Variants in GABRB3 observed in about 807,000 individuals in gnomAD.
GABRB3 encodes the protein gamma-aminobutyric acid receptor subunit beta-3.
GABRB3 carries 14 observed loss-of-function variants against 52.1 expected under a neutral mutation model. The observed-to-expected ratio is 0.27, with a 90% CI of 0.18 to 0.42. The LOEUF is 0.42. Among genes scored for constraint, GABRB3 ranks in the 10% least tolerant of loss-of-function variants. GABRB3 has a pLI of 1.00. For missense variants in GABRB3, 307 were observed against 609.1 expected, an observed-to-expected ratio of 0.50 and a Z score of 5.22; for synonymous variants, 260 against 232.3, an observed-to-expected ratio of 1.12 and a Z score of -1.08.
chr15:26,627,280 A>C (rs1045097572), intron 3 of GABRB3, among the ~76,000 whole-genome samples: 2 of 151,350 alleles, frequency 1.3e-5, no homozygotes, highest in Non-Finnish European at 2.9e-5. Flanking sequence ...GCTCTAATGG[A>C]TATGTACAAA....
intron 3 of GABRB3, among the ~76,000 whole-genome samples, chr15:26,625,737 A>C (rs1250108959): frequency 6.6e-6 from 1 of 152,182 alleles, no homozygotes; most frequent in East Asian, 1.9e-4. Context: ...AAGAACAGCC[A>C]AGCTGGCCAC....
chr15:26,653,354 C>T (rs1318819801), intron 3 of GABRB3, among the ~76,000 whole-genome samples: 1 of 152,160 alleles, frequency 6.6e-6, no homozygotes, highest in Non-Finnish European at 1.5e-5. Flanking sequence ...TCAAACCCTG[C>T]ATTCTAATGC....
At chr15:26,726,527 T>C (rs1889775604) in intron 3 of GABRB3, among the ~76,000 whole-genome samples, 1 of 152,204 alleles carries the variant, frequency 6.6e-6, no homozygotes, top group South Asian at 2.1e-4. Flanking sequence ...CAATCTGTCT[T>C]TGTCTTTCAT....
chr15:26,577,048 C>T (rs1890618203), intron 6 of GABRB3, among the ~76,000 whole-genome samples: 2 of 152,074 alleles, frequency 1.3e-5, no homozygotes, highest in Non-Finnish European at 2.9e-5. Flanking sequence ...ATGCAACATA[C>T]AGAAAGAAAT....
At chr15:26,619,283 G>T (rs559224234) in intron 4 of GABRB3, among the ~76,000 whole-genome samples, 2 of 151,894 alleles carry the variant, frequency 1.3e-5, no homozygotes, top group Non-Finnish European at 2.9e-5. Context: ...GTCCAACCAT[G>T]ATAGACTGGA....
At chr15:26,739,556 G>A (rs1216000027) in intron 3 of GABRB3, among the ~76,000 whole-genome samples, 1 of 152,030 alleles carries the variant, frequency 6.6e-6, no homozygotes, top group Non-Finnish European at 1.5e-5. Context: ...AATGCAAGGA[G>A]GGGCCGGTTT....
In GABRB3 at chr15:26,546,692, A is replaced by G. The variant is rs1889255690; in HGVS notation, c.*1101T>C. 1 of 152,566 alleles carries G rather than the reference A, an allele frequency of 6.6e-6. No homozygotes were observed. Among genetic ancestry groups the G allele is most frequent in the African/African-American group, 2.4e-5 (1 of 41,448 alleles). The allele number at this position is 152,566 out of a possible 1,614,324, so 9.5% of individuals were successfully genotyped here. On this transcript the variant is annotated 3_prime_UTR_variant, in exon 9 of 9. Coordinates refer to ENST00000311550, the MANE Select transcript of GABRB3 (RefSeq NM_000814.6). ...CTAGATAACAGAAAGTAGTTACATC[A>G]CATAAAGGAAAATATGACATCGCAT...
chr15:26,732,292 AGATGGATGGATG>A (rs5811444), intron 3 of GABRB3, among the ~76,000 whole-genome samples: 5,409 of 146,860 alleles, frequency 0.037, 99 homozygotes, highest in Middle Eastern at 0.088. Context: ...ATGGATGGAT[AGATGGATGGATG>A]GATGGATGGA....
At chr15:26,765,868 TG>T (rs1478624289) in intron 3 of GABRB3, among the ~76,000 whole-genome samples, 1 of 152,230 alleles carries the variant, frequency 6.6e-6, no homozygotes, top group Non-Finnish European at 1.5e-5. Context: ...GAGCCCTTAA[TG>T]GAGCATCTTT....
At chr15:26,760,704 C>T (rs981975844) in intron 3 of GABRB3, among the ~76,000 whole-genome samples, 12 of 151,742 alleles carry the variant, frequency 7.9e-5, no homozygotes, top group Admixed American at 7.9e-4. Flanking sequence ...GATATAGATA[C>T]AGATATAGAT....
intron 4 of GABRB3, among the ~76,000 whole-genome samples, chr15:26,589,514 A>G (rs1891115365): frequency 6.6e-6 from 1 of 152,196 alleles, no homozygotes; most frequent in Non-Finnish European, 1.5e-5. Context: ...CATTGCAAGC[A>G]CTGATTCTGA....
At chr15:26,773,584 C>G, upstream of GABRB3, 1 of 1,401,952 alleles carries the variant, frequency 7.1e-7, no homozygotes, top group South Asian at 1.2e-5. Context: ...CTCTGCCCGC[C>G]GGACTGCGGG....
chr15:26,573,957 G>T (rs148788400), intron 6 of GABRB3, among the ~76,000 whole-genome samples: 84 of 152,284 alleles, frequency 5.5e-4, no homozygotes, highest in African/African-American at 1.9e-3. Context: ...AGTCTGAGAT[G>T]AGAGGATCTC....
At chr15:26,718,981 C>T (rs976437198) in intron 3 of GABRB3, among the ~76,000 whole-genome samples, 2 of 152,252 alleles carry the variant, frequency 1.3e-5, no homozygotes, top group Non-Finnish European at 2.9e-5. Context: ...TGCTGCAATG[C>T]TTCCTCCACT....
At chr15:26,567,434 A>T in intron 7 of GABRB3, 147 bp downstream of exon 7, 1 of 733,162 alleles carries the variant, frequency 1.4e-6, no homozygotes, top group Non-Finnish European at 2.4e-6. Context: ...GCGTGAAATT[A>T]GTGTTTCAAG....
chr15:26,683,981 A>G (rs940954259), intron 3 of GABRB3, among the ~76,000 whole-genome samples: 11 of 152,154 alleles, frequency 7.2e-5, no homozygotes, highest in African/African-American at 2.7e-4. Context: ...TATAAGGAAT[A>G]TAATAGGTTC....
intron 3 of GABRB3, among the ~76,000 whole-genome samples, chr15:26,648,697 A>G (rs1887093219): frequency 6.6e-6 from 1 of 152,238 alleles, no homozygotes; most frequent in Non-Finnish European, 1.5e-5. Flanking sequence ...AGGAGGTCAC[A>G]GGAGAGAAAC....
At chr15:26,711,528 TGA>T (rs1297725667) in intron 3 of GABRB3, among the ~76,000 whole-genome samples, 1 of 152,222 alleles carries the variant, frequency 6.6e-6, no homozygotes, top group Non-Finnish European at 1.5e-5. Context: ...TGTGTGTGCA[TGA>T]GAGTGATTTT....
chr15:26,611,372 A>T (rs1261137912), intron 4 of GABRB3, among the ~76,000 whole-genome samples: 1 of 152,212 alleles, frequency 6.6e-6, no homozygotes, highest in East Asian at 1.9e-4. Flanking sequence ...CATATATAAA[A>T]TGCTAACATT....
Sources: allele counts gnomAD v4.1 joint callset (sites outside exome capture counted in the v4.1 genomes callset), GRCh38; gene constraint gnomAD v4.1.1; transcripts MANE v1.5; gene names NCBI Gene and HGNC (gene_info 2026-07-23, HGNC 2026-07-21).